NEK10: variants seen among roughly 807,000 people sequenced by gnomAD.
The protein encoded by NEK10 is NIMA related kinase 10, also known as serine/threonine-protein kinase Nek10.
In NEK10, 122 loss-of-function variants were observed where a neutral mutation model predicts 159.8. The observed-to-expected ratio is 0.76, with a 90% CI of 0.66 to 0.89. The LOEUF is 0.89. Among genes scored for constraint, NEK10 ranks in the 40% least tolerant of loss-of-function variants. The pLI is 0.00. For missense variants in NEK10, 1,342 were observed against 1,323.1 expected, an observed-to-expected ratio of 1.01 and a Z score of -0.22; for synonymous variants, 466 against 457.1, an observed-to-expected ratio of 1.02 and a Z score of -0.25.
intron 20 of NEK10, among the ~76,000 whole-genome samples, chr3:27,286,609 C>T (rs1034768054): frequency 1.6e-5 from 2 of 128,366 alleles, no homozygotes; most frequent in Admixed American, 9.1e-5. Flanking sequence ...AGGCTGGTTT[C>T]GAGCCCCTGA....
At chr3:27,289,233 C>T (rs963146778) in intron 19 of NEK10, among the ~76,000 whole-genome samples, 2 of 152,182 alleles carry the variant, frequency 1.3e-5, no homozygotes, top group Non-Finnish European at 2.9e-5. Context: ...GGGATTGTTC[C>T]GTGAAAGAGA....
chr3:27,155,107 A>T (rs1162602626), intron 30 of NEK10, among the ~76,000 whole-genome samples: 1 of 152,226 alleles, frequency 6.6e-6, no homozygotes, highest in Non-Finnish European at 1.5e-5. Context: ...AATTTTCTAG[A>T]TACAAGATTA....
chr3:27,148,599 A>G (rs946368326), intron 30 of NEK10, among the ~76,000 whole-genome samples: 6 of 152,232 alleles, frequency 3.9e-5, no homozygotes, highest in Admixed American at 1.3e-4. Context: ...ATTTGTAAAT[A>G]CTTTTAACAT....
intron 23 of NEK10, among the ~76,000 whole-genome samples, chr3:27,246,021 A>G (rs1031744618): frequency 3.9e-5 from 6 of 152,114 alleles, no homozygotes; most frequent in Admixed American, 2.0e-4. Flanking sequence ...AGACTATAAA[A>G]GGGCAAGAGA....
chr3:27,284,663 A>G lies in NEK10; in HGVS notation c.1953T>C (p.Ile651=). Residue 651 remains isoleucine (I), a synonymous_variant, in exon 22 of 36, where the codon ATT becomes ATC. Transcript: ENST00000691995. ...TGTTTGGTGTCAGATCTCTATGGAC[A>G]ATCCTCTTCTCCTTGTGTAAGTATC... ...ALRYLHKEKR[I]VHRDLTPNNI... 2.5e-6 allele frequency: 4 copies of G among 1,610,866 alleles called. No homozygotes were observed. The highest frequency in any genetic ancestry group is 3.4e-6 in the Non-Finnish European group (4 of 1,177,068).
intron 33 of NEK10, among the ~76,000 whole-genome samples, chr3:27,118,987 A>T (rs1940898268): frequency 6.6e-6 from 1 of 152,292 alleles, no homozygotes; most frequent in African/African-American, 2.4e-5. Flanking sequence ...CCACTCCTCC[A>T]AGTGACATAG....
intron 5 of NEK10, among the ~76,000 whole-genome samples, chr3:27,325,272 C>T (rs191748645): frequency 1.6e-3 from 245 of 152,328 alleles, no homozygotes; most frequent in African/African-American, 5.5e-3. Context: ...ATTTCATACT[C>T]AGCCAAGAAA....
chr3:27,205,120 G>A (rs1327942219), intron 23 of NEK10, among the ~76,000 whole-genome samples: 1 of 152,122 alleles, frequency 6.6e-6, no homozygotes, highest in African/African-American at 2.4e-5. Flanking sequence ...TTTGAGAAGT[G>A]TCTGTTCATG....
intron 26 of NEK10, among the ~76,000 whole-genome samples, chr3:27,186,235 T>C (rs1948609927): frequency 6.6e-6 from 1 of 152,218 alleles, no homozygotes; most frequent in South Asian, 2.1e-4. Flanking sequence ...TCCCAACATA[T>C]TTTGCCTTCG....
rs1381446869 is a variant in NEK10, at chr3:27,369,089, T to G, written c.-38+136A>C. The stretch of plus-strand genomic sequence containing the variant: ...ACTTACCCACCACAGCCGCATTCTC[T>G]ACCTCTGCCTCTTGTCTAGTGAAGC... On this transcript the variant is annotated intron_variant, in intron 1 of 35. Coordinates refer to ENST00000691995, the MANE Select transcript of NEK10 (RefSeq NM_001394966.1). The surrounding 1 kb of genome is among the most constrained non-coding windows in gnomAD (Gnocchi z 4.2). 3 of 152,544 alleles carry G rather than the reference T, an allele frequency of 2.0e-5. 1 individual carries two copies. In the South Asian group the frequency reaches 6.2e-4, roughly 32 times the overall value. 9.4% of individuals were successfully genotyped at this position (152,544 alleles called of 1,614,324 possible). A position where few individuals can be genotyped will look rare whatever the true frequency, so the allele number is the denominator to read the frequency against.
chr3:27,232,132 C>T (rs1953354579), intron 23 of NEK10, among the ~76,000 whole-genome samples: 1 of 151,188 alleles, frequency 6.6e-6, no homozygotes, highest in African/African-American at 2.4e-5. Context: ...AAAAAGATAA[C>T]ACATCGTGAT....
chr3:27,322,954 T>C (rs1012367302), intron 5 of NEK10, among the ~76,000 whole-genome samples: 4 of 152,126 alleles, frequency 2.6e-5, no homozygotes, highest in African/African-American at 7.2e-5. Flanking sequence ...AAATTGAAAA[T>C]ACCTCACAGT....
chr3:27,331,806 C>T (rs1237150967), intron 5 of NEK10, among the ~76,000 whole-genome samples: 3 of 152,146 alleles, frequency 2.0e-5, no homozygotes, highest in Non-Finnish European at 4.4e-5. Flanking sequence ...CAAGTTTTCT[C>T]TTATACATCG....
At chr3:27,138,782 G>C (rs764598537) in intron 31 of NEK10, among the ~76,000 whole-genome samples, 1 of 152,292 alleles carries the variant, frequency 6.6e-6, no homozygotes, top group Non-Finnish European at 1.5e-5. Flanking sequence ...TGGGATGCTA[G>C]TAATCCATGG....
At position 27,181,113 on chromosome 3, in the gene NEK10, A is replaced by T. The variant is rs146319101; in HGVS notation, c.2506-6280T>A. On this transcript the variant is annotated intron_variant, in intron 26 of 35. Transcript: ENST00000691995. Reference sequence around the variant, plus strand: ...GATATTTGCAGAGGTTATCCCTTTAATGTACAGTTGACCCTTGAACAACAT... The same window carrying T: ...GATATTTGCAGAGGTTATCCCTTTATTGTACAGTTGACCCTTGAACAACAT... 8.5e-5 allele frequency among the ~76,000 whole-genome samples: 13 copies of T among 152,188 alleles called. No homozygotes were observed. In the East Asian group the frequency reaches 2.5e-3, roughly 30 times the overall value.
chr3:27,206,223 A>G (rs558141863), intron 23 of NEK10, among the ~76,000 whole-genome samples: 1 of 152,282 alleles, frequency 6.6e-6, no homozygotes, highest in East Asian at 1.9e-4. Context: ...TTTTTCACTC[A>G]GCCAGTAAAC....
At position 27,322,223 on chromosome 3, in the gene NEK10, C is replaced by T; in HGVS notation, c.401G>A (p.Arg134Lys). 6.4e-7 allele frequency: 1 copy of T among 1,568,098 alleles called. No individual in the cohort carries two copies. Among genetic ancestry groups the T allele is most frequent in the Non-Finnish European group, 8.7e-7 (1 of 1,153,026 alleles). The change falls in exon 6 of 36, where the codon AGA (arginine) becomes AAA (lysine). Residue 134 changes from arginine to lysine, a missense_variant. Physicochemically the swap from Arg to Lys is conservative, Grantham distance 26. Coordinates refer to ENST00000691995, the MANE Select transcript of NEK10 (RefSeq NM_001394966.1). ...TAGTAGCCTCAGACAGATTAACACT[C>T]TCAGAAAATGAATAGATGGGGCTCG... Reference protein sequence around the residue: ...VNRAPSIHFLRVLICLRLLMR... With the variant: ...VNRAPSIHFLKVLICLRLLMR...
chr3:27,330,203 T>A (rs574670354), intron 5 of NEK10, among the ~76,000 whole-genome samples: 1 of 152,274 alleles, frequency 6.6e-6, no homozygotes, highest in East Asian at 1.9e-4. Flanking sequence ...TAGATAATAT[T>A]GCATGAGAAA....
chr3:27,256,600 T>G (rs1575471250), intron 22 of NEK10, among the ~76,000 whole-genome samples: 1 of 152,176 alleles, frequency 6.6e-6, no homozygotes, highest in African/African-American at 2.4e-5. Context: ...GTGATTCCAT[T>G]TTTTAGGTTA....
Sources: allele counts gnomAD v4.1 joint callset (sites outside exome capture counted in the v4.1 genomes callset), GRCh38; gene constraint gnomAD v4.1.1; non-coding constraint Gnocchi (gnomAD v3.1); transcripts MANE v1.5; gene names NCBI Gene and HGNC (gene_info 2026-07-23, HGNC 2026-07-21).